The following ZFYVE1 variants were observed in gnomAD, a reference collection of about 807,000 sequenced individuals.
The protein encoded by ZFYVE1 is zinc finger FYVE domain-containing protein 1.
ZFYVE1 carries 30 observed loss-of-function variants against 74.4 expected under a neutral mutation model. The ratio of observed to expected loss-of-function variants is 0.40; its 90% confidence interval spans 0.30 to 0.55. The LOEUF is 0.55. Among genes scored for constraint, ZFYVE1 ranks in the 20% least tolerant of loss-of-function variants. The pLI, the probability that ZFYVE1 is intolerant of heterozygous loss-of-function variation, is 0.42. For synonymous variants in ZFYVE1, 335 were observed against 385.1 expected (o/e 0.87, Z 1.52); for missense variants, 703 against 1,011.6 (o/e 0.69, Z 4.14).
chr14:72,978,808 G>A (rs1893247654), intron 6 of ZFYVE1, 53 bp downstream of exon 6: 1 of 1,479,960 alleles, frequency 6.8e-7, no homozygotes, highest in Non-Finnish European at 9.4e-7. Context: ...TTGCCAAAGA[G>A]AGAGTGGTCA....
At chr14:73,018,733 C>T (rs1481051705) in intron 2 of ZFYVE1, among the ~76,000 whole-genome samples, 1 of 151,982 alleles carries the variant, frequency 6.6e-6, no homozygotes. Flanking sequence ...CATGAGGTCA[C>T]GAGTTCAAGA....
Position 72,978,007 on chromosome 14 carries a change from G to A in ZFYVE1, c.1555C>T (p.Arg519Cys), listed in dbSNP as rs913470928. ...TTTCCAAACCAGTACTGCCGACTAC[G>A]ATAGACCACGCCACAGTTAGGACAT... ...IECPNCGVVY[R>C]SRQYWFGNQD... Residue 519 changes from arginine to cysteine, a missense_variant, in exon 8 of 12, where the codon CGT (arginine) becomes TGT (cysteine). Around this residue, in one of 2 missense-constraint regions of ZFYVE1, gnomAD observed 492 missense variants for 790.0 expected, o/e 0.62. Transcript: ENST00000556143. 1 of 1,614,160 alleles carries A rather than the reference G, an allele frequency of 6.2e-7. No individual in the cohort carries two copies. Among genetic ancestry groups the A allele is most frequent in the Non-Finnish European group, 8.5e-7 (1 of 1,180,044 alleles).
At chr14:73,023,631 A>C (rs1035139752) in intron 2 of ZFYVE1, among the ~76,000 whole-genome samples, 1 of 151,428 alleles carries the variant, frequency 6.6e-6, no homozygotes, top group Admixed American at 6.6e-5. Flanking sequence ...ACATTTACTC[A>C]CAGCTTGCCA....
At chr14:73,005,821 T>C (rs566160331) in intron 2 of ZFYVE1, among the ~76,000 whole-genome samples, 83 of 152,318 alleles carry the variant, frequency 5.4e-4, no homozygotes, top group Non-Finnish European at 7.8e-4. Flanking sequence ...ATTGCTCATT[T>C]GGGGGCTGAT....
intron 2 of ZFYVE1, among the ~76,000 whole-genome samples, chr14:72,999,840 G>A (rs750863250): frequency 1.2e-4 from 19 of 152,168 alleles, no homozygotes; most frequent in Admixed American, 4.6e-4. Flanking sequence ...GGGGCAGATC[G>A]CGTGAGGCCA....
chr14:73,025,689 C>T (rs1894444465), intron 1 of ZFYVE1, among the ~76,000 whole-genome samples: 1 of 134,794 alleles, frequency 7.4e-6, no homozygotes, highest in African/African-American at 2.7e-5. Flanking sequence ...GGGCAAGACT[C>T]CCTCAAAAAA....
At chr14:72,982,055 A>C (rs117512178) in intron 4 of ZFYVE1, among the ~76,000 whole-genome samples, 160 bp from the exon 5 acceptor site, 1,887 of 152,298 alleles carry the variant, frequency 0.012, 18 homozygotes, top group Non-Finnish European at 0.019. Flanking sequence ...ATCAGTCCTT[A>C]CCATGGGAAA....
intron 2 of ZFYVE1, among the ~76,000 whole-genome samples, chr14:73,018,430 C>CAAAAAAAAAAAAAAAAAAAAAAAAAAA (rs397853346): frequency 3.6e-5 from 2 of 55,978 alleles, no homozygotes; most frequent in Non-Finnish European, 7.2e-5. Flanking sequence ...GACTCCATCT[C>CAAAAAAAAAAAAAAAAAAAAAAAAAAA]AAAAAAAAAA....
chr14:72,982,038 C>T, intron 4 of ZFYVE1, 143 bp from the exon 5 acceptor site: 1 of 680,058 alleles, frequency 1.5e-6, no homozygotes. Flanking sequence ...TTCCTGACCC[C>T]ACTCACATCA....
At position 72,993,178 on chromosome 14, in the gene ZFYVE1, G is replaced by A. The variant is rs775832513; in HGVS notation, c.1168C>T (p.Pro390Ser). Residue 390 changes from proline to serine, a missense_variant, in exon 4 of 12, where the codon CCC (proline) becomes TCC (serine). This residue lies in a region of ZFYVE1 where 492 missense variants were observed against 790.0 expected (regional missense o/e 0.62). Coordinates refer to ENST00000556143, the MANE Select transcript of ZFYVE1 (RefSeq NM_021260.4). The part of the protein sequence containing the change: ...QLLENNTTRS[P>S]RHPGVIFKAL... Reference sequence around the variant, plus strand: ...TTGAAGATGACTCCCGGGTGCCGGGGAGAACGGGTGGTGTTATTCTCTAGT... The same window carrying A: ...TTGAAGATGACTCCCGGGTGCCGGGAAGAACGGGTGGTGTTATTCTCTAGT... 1.9e-5 allele frequency: 30 copies of A among 1,612,644 alleles called. No homozygotes were observed. Among genetic ancestry groups the A allele is most frequent in the Non-Finnish European group, 2.4e-5 (28 of 1,179,246 alleles).
At chr14:73,008,881 G>C (rs533917382) in intron 2 of ZFYVE1, among the ~76,000 whole-genome samples, 1 of 152,306 alleles carries the variant, frequency 6.6e-6, no homozygotes, top group South Asian at 2.1e-4. Context: ...AGAAAAGAGA[G>C]TTAGGTTTAA....
intron 2 of ZFYVE1, among the ~76,000 whole-genome samples, chr14:73,023,303 TTATA>T (rs1185511028): frequency 9.6e-6 from 1 of 103,858 alleles, no homozygotes; most frequent in Admixed American, 1.1e-4. Flanking sequence ...ATAATATATA[TTATA>T]TATGTTTTAT....
At chr14:73,012,720 A>C (rs1894115525) in intron 2 of ZFYVE1, among the ~76,000 whole-genome samples, 1 of 152,182 alleles carries the variant, frequency 6.6e-6, no homozygotes, top group African/African-American at 2.4e-5. Context: ...ATTCCTCCCT[A>C]GTGTCATTTA....
At chr14:72,984,158 C>T (rs1893416437) in intron 4 of ZFYVE1, among the ~76,000 whole-genome samples, 1 of 151,908 alleles carries the variant, frequency 6.6e-6, no homozygotes, top group African/African-American at 2.4e-5. Context: ...AGCGGCAACC[C>T]TGGACTTCAA....
At chr14:73,005,476 A>G (rs1465040873) in intron 2 of ZFYVE1, among the ~76,000 whole-genome samples, 1 of 152,120 alleles carries the variant, frequency 6.6e-6, no homozygotes, top group African/African-American at 2.4e-5. Flanking sequence ...CAGGAGGGAT[A>G]CCAAAGCCAC....
Position 72,992,295 on chromosome 14 carries a change from C to T in ZFYVE1, c.1203+848G>A, listed in dbSNP as rs546623625. Among the ~76,000 whole-genome samples the T allele has an allele frequency of 5.9e-5, 9 of 152,206 alleles. No homozygotes were observed. In the East Asian group the frequency reaches 7.7e-4, roughly 13 times the overall value. ...TAGTCTCTAGCTAAGGAATAATAGG[C>T]GATTTTATTTGTTGAGAGGCAGTAC... On this transcript the variant is annotated intron_variant, in intron 4 of 11. Transcript: ENST00000556143.
At chr14:72,983,347 C>G (rs1594836677) in intron 4 of ZFYVE1, among the ~76,000 whole-genome samples, 1 of 129,462 alleles carries the variant, frequency 7.7e-6, no homozygotes, top group Non-Finnish European at 1.6e-5. Flanking sequence ...TCCTTCCCCC[C>G]TCCCCCCCAC....
chr14:72,978,773 A>G, intron 6 of ZFYVE1, 88 bp downstream of exon 6: 3 of 1,049,978 alleles, frequency 2.9e-6, no homozygotes, highest in African/African-American at 1.6e-5. Flanking sequence ...TTCAGCATGC[A>G]GCAAAAAATG....
rs541099975 is a variant in ZFYVE1 at position 73,027,084 on chromosome 14, A to C, written c.-593T>G. ...CCGGGCTTCCTCCTCTCCTGTTGTC[A>C]GTTGGGATCAGCTGATCGGAGTGAA... On this transcript the variant is annotated 5_prime_UTR_variant, in exon 1 of 12. Transcript: ENST00000556143. 2.5e-6 allele frequency: 1 copy of C among 398,966 alleles called. No homozygotes were observed. The highest frequency in any genetic ancestry group is 3.6e-5 in the East Asian group (1 of 28,076). The allele number at this position is 398,966 out of a possible 1,614,324, so 24.7% of individuals were successfully genotyped here. A position where few individuals can be genotyped will look rare whatever the true frequency, so the allele number is the denominator to read the frequency against.
Sources: gnomAD v4.1 joint callset for allele counts (sites outside exome capture counted in the v4.1 genomes callset) on GRCh38, gnomAD v4.1.1 for gene constraint, gnomAD v4.1.1 regional missense constraint, MANE v1.5 for transcripts, NCBI Gene and HGNC (gene_info 2026-07-23, HGNC 2026-07-21) for gene names.